DLC1: variants seen among roughly 807,000 people sequenced by gnomAD.
DLC1 encodes rho GTPase-activating protein 7.
DLC1 carries 54 observed loss-of-function variants against 140.3 expected under a neutral mutation model. That is an observed-to-expected ratio of 0.38 (90% CI 0.31 to 0.48). The LOEUF (loss-of-function observed/expected upper bound fraction) is 0.48, where lower values mean the gene tolerates loss of function less well. Ranked by LOEUF, DLC1 falls within the 20% of genes least tolerant of loss-of-function variation. The pLI is 0.96. For synonymous variants in DLC1, 986 were observed against 728.1 expected (o/e 1.35, Z -5.70); for missense variants, 2,536 against 1,907.0 (o/e 1.33, Z -6.14).
At chr8:13,153,544 C>T (rs138928528) in intron 5 of DLC1, among the ~76,000 whole-genome samples, 1 of 152,356 alleles carries the variant, frequency 6.6e-6, no homozygotes, top group Non-Finnish European at 1.5e-5. Flanking sequence ...CTCTTATTCC[C>T]TTATGTGGTC....
At chr8:13,380,836 C>A (rs289516) in intron 4 of DLC1, among the ~76,000 whole-genome samples, 98,331 of 152,052 alleles carry the variant, frequency 0.65, 32,317 homozygotes, top group East Asian at 0.84. Flanking sequence ...GCATTCAAGA[C>A]CTCAATTCTC....
At chr8:13,276,280 T>C (rs1256921156) in intron 5 of DLC1, 1 of 1,535,412 alleles carries the variant, frequency 6.5e-7, no homozygotes. Flanking sequence ...CGTCTGTCTC[T>C]AGTGTTTTTC....
intron 7 of DLC1, among the ~76,000 whole-genome samples, chr8:13,109,872 C>T (rs765677767): frequency 1.3e-5 from 2 of 151,456 alleles, no homozygotes; most frequent in African/African-American, 2.4e-5. Flanking sequence ...GCAACAAGAG[C>T]GAAACTCCTT....
At chr8:13,443,509 A>T (rs969876861) in intron 2 of DLC1, among the ~76,000 whole-genome samples, 2 of 151,652 alleles carry the variant, frequency 1.3e-5, no homozygotes, top group African/African-American at 4.8e-5. Context: ...TATACAAAAA[A>T]TTAGCCGGGC....
Position 13,362,662 on chromosome 8 carries a change from T to A in DLC1, c.1314+30891A>T, listed in dbSNP as rs1426704373. ...AACAAAACTATAAACAAGGGGGGTGTGGAAGAGGGAAGGGGAACTTGTATT... is the reference window on the plus strand; with the variant it reads ...AACAAAACTATAAACAAGGGGGGTGAGGAAGAGGGAAGGGGAACTTGTATT... On this transcript the variant is annotated intron_variant, in intron 4 of 17. Transcript: ENST00000276297. Among the ~76,000 whole-genome samples the A allele has an allele frequency of 5.3e-5, 8 of 152,024 alleles. No individual in the cohort carries two copies. The South Asian group carries it at 1.7e-3, about 32-fold the overall frequency.
chr8:13,189,847 A>C (rs1327433230), intron 5 of DLC1, among the ~76,000 whole-genome samples: 2 of 151,524 alleles, frequency 1.3e-5, no homozygotes, highest in African/African-American at 4.9e-5. Context: ...GCGCCATTGC[A>C]CTCCAGCTTG....
rs972784873 is a variant in DLC1 at position 13,312,127 on chromosome 8, C to T, written c.1315-6825G>A. On this transcript the variant is annotated intron_variant, in intron 4 of 17. Coordinates refer to ENST00000276297, the MANE Select transcript of DLC1 (RefSeq NM_182643.3). The stretch of plus-strand genomic sequence containing the variant: ...CTGTAATCCCAGCACTTTGGGAGGC[C>T]GAGGCGGGCGGATCACGAGGTCAGG... Among the ~76,000 whole-genome samples, 7 of 129,612 alleles carry T rather than the reference C, an allele frequency of 5.4e-5. 1 individual carries two copies. The highest frequency in any genetic ancestry group is 1.6e-4 in the Admixed American group (2 of 12,710). 85.0% of individuals were successfully genotyped at this position (129,612 alleles called of 152,430 possible).
At chr8:13,470,917 A>T (rs1439925942) in intron 2 of DLC1, among the ~76,000 whole-genome samples, 4 of 152,194 alleles carry the variant, frequency 2.6e-5, no homozygotes, top group Non-Finnish European at 5.9e-5. Context: ...CTTGATATAC[A>T]TACACACCCA....
intron 12 of DLC1, among the ~76,000 whole-genome samples, chr8:13,094,538 C>G (rs1470585496): frequency 6.6e-6 from 1 of 152,116 alleles, no homozygotes; most frequent in Non-Finnish European, 1.5e-5. Context: ...TGGTGGCGCC[C>G]TCCTGTAGTC....
At chr8:13,133,989 C>A (rs1427240618) in intron 5 of DLC1, among the ~76,000 whole-genome samples, 1 of 152,184 alleles carries the variant, frequency 6.6e-6, no homozygotes, top group East Asian at 1.9e-4. Context: ...GGGTCACAGC[C>A]CGTGTTTCTC....
At chr8:13,220,445 G>A (rs772742202) in intron 5 of DLC1, among the ~76,000 whole-genome samples, 1 of 152,128 alleles carries the variant, frequency 6.6e-6, no homozygotes, top group Non-Finnish European at 1.5e-5. Context: ...AAATTTGATC[G>A]AAGTAAGGAT....
At chr8:13,203,251 G>A (rs1359865110) in intron 5 of DLC1, among the ~76,000 whole-genome samples, 2 of 152,146 alleles carry the variant, frequency 1.3e-5, no homozygotes, top group African/African-American at 4.8e-5. Flanking sequence ...AGAAAACTCA[G>A]CATTAAGTGT....
At chr8:13,398,746 G>T (rs560699489) in intron 3 of DLC1, among the ~76,000 whole-genome samples, 199 of 152,276 alleles carry the variant, frequency 1.3e-3, no homozygotes, top group African/African-American at 4.7e-3. Context: ...TGAATAACTG[G>T]TAGAGCAAAG....
At chr8:13,379,539 T>G (rs289519) in intron 4 of DLC1, among the ~76,000 whole-genome samples, 2 of 152,032 alleles carry the variant, frequency 1.3e-5, no homozygotes, top group East Asian at 3.9e-4. Flanking sequence ...GAATACTCTA[T>G]TGAAAACATA....
intron 2 of DLC1, among the ~76,000 whole-genome samples, chr8:13,470,018 TA>T (rs1472769235): frequency 1.7e-4 from 26 of 152,306 alleles, no homozygotes; most frequent in African/African-American, 6.0e-4. Context: ...TTCATTTATA[TA>T]AAGTACCATC....
At chr8:13,335,549 G>T (rs1190923331) in intron 4 of DLC1, among the ~76,000 whole-genome samples, 1 of 152,108 alleles carries the variant, frequency 6.6e-6, no homozygotes, top group Admixed American at 6.5e-5. Context: ...TCTAAACCTC[G>T]ATTGAAGTTT....
chr8:13,182,186 T>C (rs1052351977), intron 5 of DLC1, among the ~76,000 whole-genome samples: 5 of 152,120 alleles, frequency 3.3e-5, no homozygotes, highest in Non-Finnish European at 5.9e-5. Context: ...ATAGGGTTTT[T>C]TCTTTTTTTT....
rs565784239 is a variant in DLC1 at position 13,451,967 on chromosome 8, A to T, written c.1023+47082T>A. Among the ~76,000 whole-genome samples, 316 of 152,220 alleles carry T rather than the reference A, an allele frequency of 2.1e-3. 5 individuals are homozygous for T. The highest frequency in any genetic ancestry group is 7.3e-3 in the African/African-American group (302 of 41,560). ...CCAAACTGTTCTCCATAGTGGTTGT[A>T]CTAATTTCCATGAACACCAACAGAG... On this transcript the variant is annotated intron_variant, in intron 2 of 17. Transcript: ENST00000276297.
intron 5 of DLC1, among the ~76,000 whole-genome samples, chr8:13,191,571 T>C (rs1403124475): frequency 6.6e-6 from 1 of 152,200 alleles, no homozygotes; most frequent in Non-Finnish European, 1.5e-5. Context: ...TGGCGTGCAC[T>C]GAAGACAGTA....
Sources: allele counts gnomAD v4.1 joint callset (sites outside exome capture counted in the v4.1 genomes callset), GRCh38; gene constraint gnomAD v4.1.1; transcripts MANE v1.5; gene names NCBI Gene and HGNC (gene_info 2026-07-23, HGNC 2026-07-21).